The following DGKH variants were observed in gnomAD, a reference collection of about 807,000 sequenced individuals.
DGKH encodes DAG kinase eta.
A neutral mutation model predicts 159.3 loss-of-function variants in DGKH; 90 were observed. The ratio of observed to expected loss-of-function variants is 0.57; its 90% CI spans 0.48 to 0.67. DGKH has a LOEUF of 0.67. Among genes scored for constraint, DGKH ranks in the 30% least tolerant of loss-of-function variants. The pLI is 0.00. For synonymous variants in DGKH, 536 were observed against 553.8 expected, an observed-to-expected ratio of 0.97 and a Z score of 0.45; for missense variants, 1,181 against 1,506.1, an observed-to-expected ratio of 0.78 and a Z score of 3.57.
chr13:42,090,851 A>G (rs1954404352), intron 1 of DGKH, among the ~76,000 whole-genome samples: 1 of 152,122 alleles, frequency 6.6e-6, no homozygotes, highest in Non-Finnish European at 1.5e-5. Flanking sequence ...GGATGGCATT[A>G]GGGTGCTTAT....
At chr13:42,246,165 T>A (rs1253759378), downstream of DGKH, among the ~76,000 whole-genome samples, 2 of 152,210 alleles carry the variant, frequency 1.3e-5, no homozygotes, top group Non-Finnish European at 2.9e-5. Context: ...CCTTGGTGTT[T>A]GTCTCCATAA....
At chr13:42,059,970 A>G (rs1882031369) in intron 1 of DGKH, among the ~76,000 whole-genome samples, 1 of 150,974 alleles carries the variant, frequency 6.6e-6, no homozygotes, top group Non-Finnish European at 1.5e-5. Flanking sequence ...CAGTGGCACA[A>G]TCTTGGCTCA....
intron 17 of DGKH, among the ~76,000 whole-genome samples, chr13:42,195,331 C>G (rs1957181006): frequency 6.6e-6 from 1 of 152,062 alleles, no homozygotes; most frequent in African/African-American, 2.4e-5. Flanking sequence ...ACAAGCCTGT[C>G]TCTACTAAAA....
At chr13:42,109,671 C>CGT (rs765879320) in intron 1 of DGKH, among the ~76,000 whole-genome samples, 142 of 132,254 alleles carry the variant, frequency 1.1e-3, no homozygotes, top group South Asian at 4.7e-3. Context: ...CGTGTGTGTG[C>CGT]GTGTGTGTGT....
intron 1 of DGKH, among the ~76,000 whole-genome samples, chr13:42,050,934 T>C (rs758222617): frequency 6.6e-5 from 10 of 152,242 alleles, no homozygotes; most frequent in African/African-American, 4.8e-5. Context: ...TGCATACTTA[T>C]ATCAGGATTA....
intron 9 of DGKH, among the ~76,000 whole-genome samples, chr13:42,167,079 C>G (rs547587598): frequency 6.6e-6 from 1 of 152,238 alleles, no homozygotes; most frequent in East Asian, 1.9e-4. Context: ...CTGTCAAGGG[C>G]AGTTCTTCAA....
intron 7 of DGKH, among the ~76,000 whole-genome samples, chr13:42,162,041 T>G (rs1475991093): frequency 6.6e-6 from 1 of 152,142 alleles, no homozygotes; most frequent in Non-Finnish European, 1.5e-5. Context: ...GGAGGATGCC[T>G]TTTCTCTCGT....
chr13:42,112,576 G>C (rs1414492192), intron 1 of DGKH, among the ~76,000 whole-genome samples: 1 of 152,234 alleles, frequency 6.6e-6, no homozygotes, highest in Admixed American at 6.5e-5. Flanking sequence ...TTTGGGAAAA[G>C]CTCAGATGAT....
At chr13:42,162,402 A>G (rs1956207442) in intron 7 of DGKH, among the ~76,000 whole-genome samples, 1 of 152,232 alleles carries the variant, frequency 6.6e-6, no homozygotes, top group Admixed American at 6.5e-5. Flanking sequence ...AATCCCAGCT[A>G]CTTGGGATGC....
Position 42,152,504 on chromosome 13 carries a change from T to C in DGKH, c.385-2787T>C, listed in dbSNP as rs552543881. On this transcript the variant is annotated intron_variant, in intron 3 of 29. Transcript: ENST00000337343. ...ATACACACACATACACACACAAACA[T>C]ATATATATTATATATATATATAAAT... is the stretch of plus-strand genomic sequence containing the variant. Among the ~76,000 whole-genome samples, 9 of 148,900 alleles carry C rather than the reference T, an allele frequency of 6.0e-5. No individual in the cohort carries two copies. The South Asian group carries it at 1.9e-3, about 32-fold the overall frequency.
intron 1 of DGKH, among the ~76,000 whole-genome samples, chr13:42,094,329 T>C (rs1464535864): frequency 6.6e-6 from 1 of 152,240 alleles, no homozygotes; most frequent in Non-Finnish European, 1.5e-5. Context: ...CTGATGATAC[T>C]TTTAAATTTT....
intron 20 of DGKH, among the ~76,000 whole-genome samples, chr13:42,202,748 A>G (rs1957376896): frequency 6.6e-6 from 1 of 152,250 alleles, no homozygotes; most frequent in Non-Finnish European, 1.5e-5. Flanking sequence ...AAATGTAAAT[A>G]ACGTCACAGT....
At chr13:42,142,798 T>C (rs977796945) in intron 3 of DGKH, among the ~76,000 whole-genome samples, 1 of 152,206 alleles carries the variant, frequency 6.6e-6, no homozygotes, top group African/African-American at 2.4e-5. Context: ...GATTTTGGGC[T>C]GAGACGATGG....
chr13:42,077,414 C>G (rs1444076810), intron 1 of DGKH, among the ~76,000 whole-genome samples: 2 of 152,112 alleles, frequency 1.3e-5, no homozygotes, highest in Non-Finnish European at 2.9e-5. Context: ...CCTTGGAAAG[C>G]TTCATGAAGC....
intron 12 of DGKH, 110 bp from the exon 13 acceptor site, chr13:42,178,025 A>ATTGCC: frequency 1.7e-6 from 1 of 588,604 alleles, no homozygotes; most frequent in East Asian, 2.9e-5. Context: ...CATTATAGTG[A>ATTGCC]TTGCCTTGCC....
At chr13:42,092,918 G>C (rs1428452253) in intron 1 of DGKH, among the ~76,000 whole-genome samples, 1 of 151,910 alleles carries the variant, frequency 6.6e-6, no homozygotes, top group Non-Finnish European at 1.5e-5. Flanking sequence ...TAAGAAGAAG[G>C]TATACAAATC....
Position 42,219,715 on chromosome 13 carries a change from C to T in DGKH, c.3363C>T (p.Asn1121=), listed in dbSNP as rs763416524. ...CTCCTATGGATTGCACCAAAAGGAACAACAGAAGCACCGTATTTCGAATAG... is the reference window on the plus strand; with the variant it reads ...CTCCTATGGATTGCACCAAAAGGAATAACAGAAGCACCGTATTTCGAATAG... ...EEPPMDCTKR[N]NRSTVFRIVP... is the part of the protein sequence containing the mutation. Residue 1121 remains asparagine (N), a synonymous_variant, in exon 28 of 30, where the codon AAC becomes AAT. Coordinates refer to ENST00000337343, the MANE Select transcript of DGKH (RefSeq NM_178009.5). 1.9e-6 allele frequency: 3 copies of T among 1,613,350 alleles called. No individual in the cohort carries two copies. Among genetic ancestry groups the T allele is most frequent in the Non-Finnish European group, 2.5e-6 (3 of 1,179,778 alleles).
At chr13:42,043,427 C>T (rs935363656) in intron 1 of DGKH, among the ~76,000 whole-genome samples, 3 of 150,640 alleles carry the variant, frequency 2.0e-5, no homozygotes, top group African/African-American at 7.3e-5. Flanking sequence ...GATCGTAGCT[C>T]ACTGCAGCCA....
chr13:42,198,773 G>A (rs908761413), intron 18 of DGKH, among the ~76,000 whole-genome samples, 178 bp downstream of exon 18: 12 of 151,838 alleles, frequency 7.9e-5, no homozygotes, highest in African/African-American at 2.9e-4. Context: ...AAAATTCAGT[G>A]GTCTCCGTGA....
Sources: allele counts gnomAD v4.1 joint callset (sites outside exome capture counted in the v4.1 genomes callset), GRCh38; gene constraint gnomAD v4.1.1; transcripts MANE v1.5; gene names NCBI Gene and HGNC (gene_info 2026-07-23, HGNC 2026-07-21).